KPNA5: variants seen among roughly 807,000 people sequenced by gnomAD.
The protein encoded by KPNA5 is importin subunit alpha-6.
A neutral mutation model predicts 71.3 loss-of-function variants in KPNA5; 46 were observed. The ratio of observed to expected loss-of-function variants is 0.65; its 90% confidence interval spans 0.51 to 0.83. KPNA5 has a LOEUF of 0.83. Ranked by LOEUF, KPNA5 falls within the 40% of genes least tolerant of loss-of-function variation. The probability of loss-of-function intolerance (pLI) is 0.00; values close to 1 mark genes in which losing one functional copy is unlikely to be tolerated. For synonymous variants in KPNA5, 207 were observed against 201.4 expected, an observed-to-expected ratio of 1.03 and a Z score of -0.24; for missense variants, 547 against 628.3, an observed-to-expected ratio of 0.87 and a Z score of 1.38.
At position 116,741,286 on chromosome 6, in the gene KPNA5, A is replaced by G. The variant is rs1779864475; in HGVS notation, c.*8963A>G. 3.9e-5 allele frequency: 6 copies of G among 152,098 alleles called. No individual in the cohort carries two copies. The highest frequency in any genetic ancestry group is 3.9e-4 in the Admixed American group (6 of 15,252). 9.4% of individuals were successfully genotyped at this position (152,098 alleles called of 1,614,324 possible). On this transcript the variant is annotated 3_prime_UTR_variant, in exon 14 of 14. Coordinates refer to ENST00000368564, the MANE Select transcript of KPNA5 (RefSeq NM_001366306.2). Reference sequence around the variant, plus strand: ...TTGGTGGATTTTGAATTTTCCATATAGTTCTGACGATTTTTTTGTGTTTTA... The same window carrying G: ...TTGGTGGATTTTGAATTTTCCATATGGTTCTGACGATTTTTTTGTGTTTTA...
rs1280909041 is a variant in KPNA5 at position 116,737,641 on chromosome 6, CATT to C, written c.*5321_*5323del. ...CTCTGTTTCATAGATCACGGTTCCT[CATT>C]ATCTGATGTCTAATGTCTGGAAACT... On this transcript the variant is annotated 3_prime_UTR_variant, in exon 14 of 14. Transcript: ENST00000368564. The C allele has an allele frequency of 6.6e-6, 1 of 151,956 alleles. No homozygotes were observed. The highest frequency in any genetic ancestry group is 1.5e-5 in the Non-Finnish European group (1 of 67,950). The allele number at this position is 151,956 out of a possible 1,614,324, so 9.4% of individuals were successfully genotyped here. A position where few individuals can be genotyped will look rare whatever the true frequency, so the allele number is the denominator to read the frequency against.
rs560981387 is a variant in KPNA5 at position 116,700,691 on chromosome 6, C to T, written c.436-1328C>T. On this transcript the variant is annotated intron_variant, in intron 5 of 13. Coordinates refer to ENST00000368564, the MANE Select transcript of KPNA5 (RefSeq NM_001366306.2). ...TTGTTGGCCTGAACATGTTTTAAAG[C>T]GTGAATTAGATATTACATGTTAAAA... Among the ~76,000 whole-genome samples the T allele has an allele frequency of 2.6e-5, 4 of 152,082 alleles. No individual in the cohort carries two copies. The East Asian group carries it at 5.8e-4, about 22-fold the overall frequency.
chr6:116,708,999 T>C (rs777305891), intron 7 of KPNA5, among the ~76,000 whole-genome samples: 1 of 152,180 alleles, frequency 6.6e-6, no homozygotes, highest in African/African-American at 2.4e-5. Context: ...TTGGCCAGGC[T>C]GGTCTTGAAC....
chr6:116,725,768 T>A lies in KPNA5; in HGVS notation c.1017T>A (p.Ser339=), dbSNP rs1365630431. Residue 339 remains serine, a synonymous_variant, in exon 11 of 14, where the codon TCT becomes TCA. Coordinates refer to ENST00000368564, the MANE Select transcript of KPNA5 (RefSeq NM_001366306.2). ...DIQTQVILNC[S]ALPCLLHLLS... is the part of the protein sequence containing the mutation. ...TGTTTTAGGTAATTTTGAATTGTTC[T>A]GCATTACCCTGTCTCTTACATTTAT... 1 of 1,611,282 alleles carries A rather than the reference T, an allele frequency of 6.2e-7. No homozygotes were observed. Among genetic ancestry groups the A allele is most frequent in the African/African-American group, 1.3e-5 (1 of 74,934 alleles).
chr6:116,693,796 C>T (rs1209872911), intron 4 of KPNA5, among the ~76,000 whole-genome samples: 2 of 151,930 alleles, frequency 1.3e-5, no homozygotes, highest in Non-Finnish European at 1.5e-5. Flanking sequence ...GTGTTTTAGA[C>T]ATGAAGTCCT....
At chr6:116,718,385 C>CTT (rs1778979335) in intron 8 of KPNA5, among the ~76,000 whole-genome samples, 1 of 151,442 alleles carries the variant, frequency 6.6e-6, no homozygotes, top group South Asian at 2.1e-4. Flanking sequence ...GCCCCAGCCT[C>CTT]TTGAGTAGCT....
chr6:116,715,175 CAG>C (rs1778837682), intron 7 of KPNA5, among the ~76,000 whole-genome samples: 1 of 152,150 alleles, frequency 6.6e-6, no homozygotes, highest in Non-Finnish European at 1.5e-5. Context: ...CACTCTAAAA[CAG>C]GGATTTTTTT....
intron 5 of KPNA5, among the ~76,000 whole-genome samples, 190 bp from the exon 6 acceptor site, chr6:116,701,829 C>A (rs1778240795): frequency 1.3e-5 from 2 of 152,100 alleles, no homozygotes; most frequent in African/African-American, 4.8e-5. Flanking sequence ...TTTCTGTAAT[C>A]AGTGATCTTT....
chr6:116,686,636 A>G (rs967184803), intron 1 of KPNA5, among the ~76,000 whole-genome samples: 10 of 152,076 alleles, frequency 6.6e-5, no homozygotes, highest in African/African-American at 2.4e-4. Context: ...GGCCAGAATG[A>G]TATTGCCTAG....
chr6:116,699,498 G>A (rs1361546854), intron 5 of KPNA5, among the ~76,000 whole-genome samples: 2 of 152,162 alleles, frequency 1.3e-5, no homozygotes, highest in Non-Finnish European at 2.9e-5. Flanking sequence ...ATGGAGGACT[G>A]TTACTTGTTA....
In KPNA5 at chr6:116,733,656, C is replaced by G. The variant is rs1332773049; in HGVS notation, c.*1333C>G. ...CAGTTCAACTACTGTTGAACTCAATCTTTTAATTTATAGTTATACGTAGGC... is the reference window on the plus strand; with the variant it reads ...CAGTTCAACTACTGTTGAACTCAATGTTTTAATTTATAGTTATACGTAGGC... On this transcript the variant is annotated 3_prime_UTR_variant, in exon 14 of 14. Coordinates refer to ENST00000368564, the MANE Select transcript of KPNA5 (RefSeq NM_001366306.2). 1 of 151,338 alleles carries G rather than the reference C, an allele frequency of 6.6e-6. No individual in the cohort carries two copies. Among genetic ancestry groups the G allele is most frequent in the Non-Finnish European group, 1.5e-5 (1 of 67,618 alleles). The allele number at this position is 151,338 out of a possible 1,614,324, so 9.4% of individuals were successfully genotyped here.
intron 4 of KPNA5, among the ~76,000 whole-genome samples, chr6:116,692,874 ATCCCTCC>A (rs750204981): frequency 6.6e-6 from 1 of 152,122 alleles, no homozygotes; most frequent in African/African-American, 2.4e-5. Flanking sequence ...TCCTAATGCT[ATCCCTCC>A]TCCCTCCTCC....
rs112649312 is a variant in KPNA5, at chr6:116,691,766, A to G, written c.139-289A>G. Among the ~76,000 whole-genome samples, 468 of 152,334 alleles carry G rather than the reference A, an allele frequency of 3.1e-3. 4 individuals carry two copies. The highest frequency in any genetic ancestry group is 0.011 in the African/African-American group (449 of 41,578). On this transcript the variant is annotated intron_variant, in intron 2 of 13. Coordinates refer to ENST00000368564, the MANE Select transcript of KPNA5 (RefSeq NM_001366306.2). ...GTAAATATGTGCTTTTTTAAGTGCTATAAAATGACCATGTGTATTCCACTT... is the reference window on the plus strand; with the variant it reads ...GTAAATATGTGCTTTTTTAAGTGCTGTAAAATGACCATGTGTATTCCACTT...
intron 7 of KPNA5, among the ~76,000 whole-genome samples, chr6:116,712,842 A>G (rs1778752007): frequency 6.6e-6 from 1 of 151,424 alleles, no homozygotes; most frequent in Non-Finnish European, 1.5e-5. Flanking sequence ...TTCCTTTCCT[A>G]TTTTTTTAAA....
At chr6:116,728,274 CAATT>C (rs1013618074) in intron 12 of KPNA5, among the ~76,000 whole-genome samples, 2 of 151,716 alleles carry the variant, frequency 1.3e-5, no homozygotes, top group African/African-American at 4.8e-5. Flanking sequence ...TGTATTTTTT[CAATT>C]AATTTTTGTG....
chr6:116,705,238 C>A, intron 7 of KPNA5, 78 bp downstream of exon 7: 1 of 1,091,802 alleles, frequency 9.2e-7, no homozygotes, highest in Non-Finnish European at 1.3e-6. Context: ...TTAAGTTCTT[C>A]AGTCATACTT....
chr6:116,693,713 T>C (rs1386925166), intron 4 of KPNA5, among the ~76,000 whole-genome samples: 1 of 152,186 alleles, frequency 6.6e-6, no homozygotes, highest in Non-Finnish European at 1.5e-5. Flanking sequence ...GGTCGTTTCT[T>C]TTGCTGTGCA....
intron 9 of KPNA5, among the ~76,000 whole-genome samples, chr6:116,723,241 A>C (rs1281384652): frequency 4.6e-5 from 7 of 152,254 alleles, no homozygotes; most frequent in Non-Finnish European, 7.3e-5. Context: ...TAATTATTTT[A>C]GATTAGAACT....
chr6:116,713,256 A>G (rs898464871), intron 7 of KPNA5, among the ~76,000 whole-genome samples: 2 of 152,150 alleles, frequency 1.3e-5, no homozygotes, highest in African/African-American at 2.4e-5. Context: ...TGTAAAGCCA[A>G]TCTGCTAGTG....
Sources: allele counts gnomAD v4.1 joint callset (sites outside exome capture counted in the v4.1 genomes callset), GRCh38; gene constraint gnomAD v4.1.1; transcripts MANE v1.5; gene names NCBI Gene and HGNC (gene_info 2026-07-23, HGNC 2026-07-21).